TRAP1: variants seen among roughly 807,000 people sequenced by gnomAD.
The protein encoded by TRAP1 is heat shock protein 75 kDa, mitochondrial.
TRAP1 carries 102 observed loss-of-function variants against 89.1 expected under a neutral mutation model. That is an observed-to-expected ratio of 1.15 (90% CI 0.98 to 1.35). TRAP1 has a LOEUF of 1.35. Ranked by LOEUF, TRAP1 falls within the 40% of genes most tolerant of loss-of-function variation. The pLI is 0.00. For missense variants in TRAP1, 1,256 were observed against 945.3 expected (o/e 1.33, Z -4.31); for synonymous variants, 508 against 388.0 (o/e 1.31, Z -3.64).
At chr16:3,675,498 C>A in intron 7 of TRAP1, 101 bp from the exon 8 acceptor site, 1 of 1,137,600 alleles carries the variant, frequency 8.8e-7, no homozygotes, top group Non-Finnish European at 1.3e-6. Context: ...TGGGAAGGGT[C>A]CTCCATGCTG....
At chr16:3,711,697 C>G (rs561105113) in intron 1 of TRAP1, among the ~76,000 whole-genome samples, 1 of 152,202 alleles carries the variant, frequency 6.6e-6, no homozygotes, top group South Asian at 2.1e-4. Flanking sequence ...CAAGCTACAG[C>G]TTTTATGGTA....
intron 4 of TRAP1, among the ~76,000 whole-genome samples, chr16:3,685,766 G>C (rs1235406387): frequency 6.6e-6 from 1 of 152,200 alleles, no homozygotes; most frequent in East Asian, 1.9e-4. Flanking sequence ...GTTACCAGTA[G>C]TTATTGCTGG....
chr16:3,665,679 GAC>G (rs2050814939), intron 12 of TRAP1, among the ~76,000 whole-genome samples: 1 of 152,186 alleles, frequency 6.6e-6, no homozygotes, highest in African/African-American at 2.4e-5. Flanking sequence ...TCTGAGGGGA[GAC>G]AGTGTGTGCA....
Position 3,664,468 on chromosome 16 carries a change from G to C in TRAP1, c.1384-9C>G, listed in dbSNP as rs748319278. The C allele has an allele frequency of 1.9e-6, 3 of 1,604,956 alleles. No individual in the cohort carries two copies. In the East Asian group the frequency reaches 6.7e-5, roughly 36 times the overall value. On this transcript the variant is annotated splice_polypyrimidine_tract_variant and intron_variant, in intron 12 of 17. Coordinates refer to ENST00000246957, the MANE Select transcript of TRAP1 (RefSeq NM_016292.3). ...AGCTTTGCTATGTCCTCCTAGAAGG[G>C]ACGGGGCAGGTCACCACTTATTCCA... is the stretch of plus-strand genomic sequence containing the variant.
At chr16:3,660,065 C>G (rs1311497899) in intron 16 of TRAP1, 1 of 152,242 alleles carries the variant, frequency 6.6e-6, no homozygotes, top group Non-Finnish European at 1.5e-5. Context: ...CCTCACATTT[C>G]TAGTCTACGT....
intron 3 of TRAP1, among the ~76,000 whole-genome samples, chr16:3,688,390 A>G (rs1160931276): frequency 2.0e-5 from 3 of 152,172 alleles, no homozygotes; most frequent in Non-Finnish European, 4.4e-5. Context: ...CAAAGCCGCC[A>G]AGACCTGCAG....
At chr16:3,695,188 C>T (rs2051269552) in intron 1 of TRAP1, among the ~76,000 whole-genome samples, 1 of 152,160 alleles carries the variant, frequency 6.6e-6, no homozygotes, top group Non-Finnish European at 1.5e-5. Context: ...TTCACAGGTA[C>T]TGAGAGCTGG....
chr16:3,675,263 C>A, intron 8 of TRAP1, 61 bp downstream of exon 8: 1 of 1,548,886 alleles, frequency 6.5e-7, no homozygotes, highest in East Asian at 2.2e-5. Context: ...TTCTCCGCTG[C>A]CCTGAAACGT....
chr16:3,673,295 G>A (rs1192006825), intron 9 of TRAP1, among the ~76,000 whole-genome samples: 3 of 152,192 alleles, frequency 2.0e-5, no homozygotes, highest in African/African-American at 4.8e-5. Flanking sequence ...CATGGGACCC[G>A]GCCCTGTGTG....
Position 3,704,057 on chromosome 16 carries a change from A to G in TRAP1, c.89-13072T>C, listed in dbSNP as rs73489760. Among the ~76,000 whole-genome samples, 975 of 151,964 alleles carry G rather than the reference A, an allele frequency of 6.4e-3. 13 individuals carry two copies. The highest frequency in any genetic ancestry group is 0.022 in the African/African-American group (914 of 41,444). The stretch of plus-strand genomic sequence containing the variant: ...AAACAAAACTATTTACAAAAGTTAC[A>G]TTACAGGCCAGGTGAGGTGCCTCAC... On this transcript the variant is annotated intron_variant, in intron 1 of 17. Transcript: ENST00000246957.
At chr16:3,668,492 G>T (rs2050867857) in intron 11 of TRAP1, among the ~76,000 whole-genome samples, 1 of 152,172 alleles carries the variant, frequency 6.6e-6, no homozygotes, top group Admixed American at 6.5e-5. Context: ...TGTTGGAAAT[G>T]CACCCCAAAG....
At chr16:3,663,235 A>G (rs541316452) in intron 14 of TRAP1, 189 bp downstream of exon 14, 1 of 755,096 alleles carries the variant, frequency 1.3e-6, no homozygotes, top group Non-Finnish European at 2.1e-6. Context: ...GGAGCACTGG[A>G]CAGACCCCTG....
At chr16:3,658,693 A>AC (rs56682055) in intron 17 of TRAP1, 100 bp downstream of exon 17, 21 of 1,200,032 alleles carry the variant, frequency 1.7e-5, no homozygotes, top group African/African-American at 1.5e-4. Context: ...AAACAAACAA[A>AC]AAGACAGGAT....
intron 1 of TRAP1, among the ~76,000 whole-genome samples, chr16:3,715,835 C>T (rs1236814138): frequency 1.3e-5 from 2 of 152,068 alleles, no homozygotes; most frequent in Non-Finnish European, 2.9e-5. Flanking sequence ...TAGAAGAGAG[C>T]AACAGCATCA....
Position 3,658,044 on chromosome 16 carries a change from A to G in TRAP1, c.*85T>C. 1 of 1,608,098 alleles carries G rather than the reference A, an allele frequency of 6.2e-7. No individual in the cohort carries two copies. Among genetic ancestry groups the G allele is most frequent in the Non-Finnish European group, 8.5e-7 (1 of 1,176,420 alleles). ...AAAAAGCCCAACACACACTCGGGTT[A>G]AGAAATACCTTTAAATTTAGGTAAA... On this transcript the variant is annotated 3_prime_UTR_variant, in exon 18 of 18. Coordinates refer to ENST00000246957, the MANE Select transcript of TRAP1 (RefSeq NM_016292.3).
chr16:3,694,365 A>T (rs796527410), intron 1 of TRAP1, among the ~76,000 whole-genome samples: 24 of 151,314 alleles, frequency 1.6e-4, no homozygotes, highest in African/African-American at 5.6e-4. Flanking sequence ...TTTTTTTGAG[A>T]CAGAGTCTCG....
At chr16:3,683,586 G>A (rs983902928) in intron 4 of TRAP1, among the ~76,000 whole-genome samples, 5 of 151,404 alleles carry the variant, frequency 3.3e-5, no homozygotes, top group Non-Finnish European at 5.9e-5. Flanking sequence ...GGGTTTCACC[G>A]TGCTGGCCAG....
intron 1 of TRAP1, among the ~76,000 whole-genome samples, chr16:3,693,358 A>C (rs575761537): frequency 6.6e-6 from 1 of 151,890 alleles, no homozygotes. Context: ...GGGCCCATGT[A>C]ATTGCATTGT....
intron 11 of TRAP1, among the ~76,000 whole-genome samples, chr16:3,671,476 G>A (rs145319549): frequency 3.9e-5 from 6 of 152,206 alleles, no homozygotes; most frequent in Non-Finnish European, 7.4e-5. Flanking sequence ...CTGGCTCTGC[G>A]GCCCCTCCCC....
Sources: gnomAD v4.1 joint callset for allele counts (sites outside exome capture counted in the v4.1 genomes callset) on GRCh38, gnomAD v4.1.1 for gene constraint, MANE v1.5 for transcripts, NCBI Gene and HGNC (gene_info 2026-07-23, HGNC 2026-07-21) for gene names.